The following ARL15 variants were observed in gnomAD, a reference collection of about 807,000 sequenced individuals.
The protein encoded by ARL15 is ADP-ribosylation factor-like protein 15.
In ARL15, 19 loss-of-function variants were observed where a neutral mutation model predicts 25.2. That is an observed-to-expected ratio of 0.75 (90% CI 0.53 to 1.10). The LOEUF (loss-of-function observed/expected upper bound fraction) is 1.10. Ranked by LOEUF, ARL15 falls within the 50% of genes least tolerant of loss-of-function variation. The pLI, the probability that ARL15 is intolerant of heterozygous loss-of-function variation, is 0.00. For missense variants in ARL15, 220 were observed against 246.0 expected (o/e 0.89, Z 0.71); for synonymous variants, 94 against 86.8 (o/e 1.08, Z -0.46).
intron 4 of ARL15, among the ~76,000 whole-genome samples, chr5:54,004,174 T>TCA (rs971736753): frequency 1.3e-5 from 2 of 152,028 alleles, no homozygotes; most frequent in Non-Finnish European, 2.9e-5. Flanking sequence ...AATTTCAAAT[T>TCA]CACACACACA....
chr5:54,265,463 C>G lies in ARL15; in HGVS notation c.48+44969G>C, dbSNP rs146668693. Among the ~76,000 whole-genome samples the G allele has an allele frequency of 5.8e-4, 88 of 152,258 alleles. No homozygotes were observed. The East Asian group carries it at 0.016, about 28-fold the overall frequency. On this transcript the variant is annotated intron_variant, in intron 1 of 4. Coordinates refer to ENST00000504924, the MANE Select transcript of ARL15 (RefSeq NM_019087.3). ...TTAAAGTAAGAGCATGGTACACTTG[C>G]AAAAATTCTGCCAGAGATAAGGTTC...
chr5:53,899,347 CAAAAAAAAAAAAAAAAAAAAA>C lies in ARL15; in HGVS notation c.463-12655_463-12635del, dbSNP rs59145507. 1.2e-3 allele frequency among the ~76,000 whole-genome samples: 104 copies of C among 89,380 alleles called. 1 individual carries two copies. Among genetic ancestry groups the C allele is most frequent in the Admixed American group, 3.6e-3 (26 of 7,124 alleles). The allele number at this position is 89,380 out of a possible 152,430, so 58.6% of individuals were successfully genotyped here. A position where few individuals can be genotyped will look rare whatever the true frequency, so the allele number is the denominator to read the frequency against. ...TGGGTAACAGAGTGAGACTCTATCC[CAAAAAAAAAAAAAAAAAAAAA>C]AAAAAAAAAAAAAAAAAAATAGATT... On this transcript the variant is annotated intron_variant, in intron 4 of 4. Transcript: ENST00000504924.
chr5:53,926,864 G>C (rs911706149), intron 4 of ARL15, among the ~76,000 whole-genome samples: 1 of 150,604 alleles, frequency 6.6e-6, no homozygotes, highest in Admixed American at 6.6e-5. Flanking sequence ...AAATTCAGCA[G>C]AAAAAGAATA....
chr5:53,996,564 C>T (rs577712265), intron 4 of ARL15, among the ~76,000 whole-genome samples: 1 of 143,930 alleles, frequency 6.9e-6, no homozygotes, highest in Non-Finnish European at 1.5e-5. Flanking sequence ...GGTTGCAGTG[C>T]GCTGAGATCG....
chr5:54,048,575 T>G (rs374761426), intron 4 of ARL15, among the ~76,000 whole-genome samples: 1 of 150,326 alleles, frequency 6.7e-6, no homozygotes, highest in East Asian at 2.0e-4. Flanking sequence ...GGCTAATTTT[T>G]TACTTTTAGT....
intron 3 of ARL15, among the ~76,000 whole-genome samples, chr5:54,141,563 A>C (rs1230129523): frequency 2.6e-5 from 4 of 152,202 alleles, no homozygotes; most frequent in Non-Finnish European, 5.9e-5. Context: ...ACACACAATA[A>C]ACTGCATATA....
intron 1 of ARL15, among the ~76,000 whole-genome samples, chr5:54,198,368 A>C (rs1755616691): frequency 6.6e-6 from 1 of 152,232 alleles, no homozygotes; most frequent in East Asian, 1.9e-4. Context: ...CCCTGTTTGC[A>C]GACGACACAA....
intron 4 of ARL15, among the ~76,000 whole-genome samples, chr5:53,914,188 AT>A (rs1745556711): frequency 2.0e-5 from 3 of 151,814 alleles, no homozygotes; most frequent in Middle Eastern, 3.4e-3. Context: ...GTATTAGTTT[AT>A]TACATTTAAA....
At chr5:53,903,535 A>G (rs915148838) in intron 4 of ARL15, among the ~76,000 whole-genome samples, 17 of 152,180 alleles carry the variant, frequency 1.1e-4, no homozygotes, top group African/African-American at 3.9e-4. Flanking sequence ...CAATAATGCC[A>G]AGATTGAAAA....
intron 2 of ARL15, among the ~76,000 whole-genome samples, chr5:54,156,996 G>A (rs1159005182): frequency 1.3e-5 from 2 of 152,298 alleles, no homozygotes; most frequent in South Asian, 2.1e-4. Flanking sequence ...TACCTCACAC[G>A]GGTGTTATAT....
At chr5:54,140,447 GATAGATAGATAGAT>G (rs1262374635) in intron 3 of ARL15, among the ~76,000 whole-genome samples, 4 of 138,238 alleles carry the variant, frequency 2.9e-5, no homozygotes, top group Non-Finnish European at 6.5e-5. Context: ...TAGATAGATA[GATAGATAGATAGAT>G]AGATAGAGAT....
At chr5:54,111,686 TTATGTA>T (rs1469229974) in intron 4 of ARL15, among the ~76,000 whole-genome samples, 13 of 152,144 alleles carry the variant, frequency 8.5e-5, no homozygotes, top group Non-Finnish European at 1.9e-4. Context: ...TGTATATGTA[TTATGTA>T]TATATTACAT....
At chr5:53,995,871 G>A (rs539138611) in intron 4 of ARL15, among the ~76,000 whole-genome samples, 11 of 152,234 alleles carry the variant, frequency 7.2e-5, no homozygotes, top group African/African-American at 2.6e-4. Flanking sequence ...GGAAACCACT[G>A]ACCCAAAGAG....
intron 1 of ARL15, among the ~76,000 whole-genome samples, chr5:54,174,154 C>T (rs908741499): frequency 1.3e-5 from 2 of 152,136 alleles, no homozygotes; most frequent in Non-Finnish European, 1.5e-5. Context: ...TAGCAGAGAA[C>T]ATGGCATAGA....
intron 4 of ARL15, among the ~76,000 whole-genome samples, chr5:54,008,642 G>A (rs572953806): frequency 6.6e-6 from 1 of 152,260 alleles, no homozygotes; most frequent in African/African-American, 2.4e-5. Flanking sequence ...ATTTCTAACA[G>A]ATGCGACAAA....
chr5:53,896,173 A>G (rs937829991), intron 4 of ARL15, among the ~76,000 whole-genome samples: 1 of 151,974 alleles, frequency 6.6e-6, no homozygotes, highest in South Asian at 2.1e-4. Flanking sequence ...AGCTGGGCTT[A>G]TAGGTGTGCA....
chr5:54,143,927 T>G (rs888511482), intron 3 of ARL15, among the ~76,000 whole-genome samples: 1 of 152,018 alleles, frequency 6.6e-6, no homozygotes, highest in African/African-American at 2.4e-5. Context: ...TTAAGACACA[T>G]AAACTTCAAT....
chr5:54,253,978 A>G (rs781298254), intron 1 of ARL15, among the ~76,000 whole-genome samples: 2 of 152,232 alleles, frequency 1.3e-5, no homozygotes, highest in African/African-American at 2.4e-5. Context: ...AATTTTGGCA[A>G]TCTTTGAAGA....
At chr5:54,258,880 C>T (rs1467563973) in intron 1 of ARL15, among the ~76,000 whole-genome samples, 2 of 152,196 alleles carry the variant, frequency 1.3e-5, no homozygotes, top group Non-Finnish European at 2.9e-5. Flanking sequence ...ATGGGGAGAA[C>T]ATGATGCCAG....
Sources: gnomAD v4.1 joint callset for allele counts (sites outside exome capture counted in the v4.1 genomes callset) on GRCh38, gnomAD v4.1.1 for gene constraint, MANE v1.5 for transcripts, NCBI Gene and HGNC (gene_info 2026-07-23, HGNC 2026-07-21) for gene names.